SCAPER: variants seen among roughly 807,000 people sequenced by gnomAD.
The protein encoded by SCAPER is S-phase cyclin A associated protein in the ER.
Under a neutral mutation model 182.2 loss-of-function variants are expected in SCAPER, and 98 were observed. That is an observed-to-expected ratio of 0.54 (90% confidence interval 0.46 to 0.64). SCAPER has a LOEUF of 0.64. Among genes scored for constraint, SCAPER ranks in the 30% least tolerant of loss-of-function variants. The pLI, the probability that SCAPER is intolerant of heterozygous loss-of-function variation, is 0.00. For synonymous variants in SCAPER, 605 were observed against 564.6 expected, an observed-to-expected ratio of 1.07 and a Z score of -1.01; for missense variants, 1,432 against 1,690.0, an observed-to-expected ratio of 0.85 and a Z score of 2.68.
chr15:76,564,085 T>A (rs415439), intron 23 of SCAPER, among the ~76,000 whole-genome samples: 147,854 of 152,248 alleles, frequency 0.97, 71,928 homozygotes, highest in South Asian at 1. Flanking sequence ...AGCTGGAAAC[T>A]TTATCCTTGA....
intron 8 of SCAPER, among the ~76,000 whole-genome samples, chr15:76,786,539 C>T (rs1200077407): frequency 6.6e-6 from 1 of 152,090 alleles, no homozygotes; most frequent in Non-Finnish European, 1.5e-5. Flanking sequence ...TAACATAATA[C>T]TTAGTGGTGC....
rs957428667 is a variant in SCAPER at position 76,891,378 on chromosome 15, T to C, written c.-59-7502A>G. ...TCAATTAGGAAGAGAGGAAGTCAAA[T>C]TGTCCCTGCTGGCAGATAACATGAT... is the stretch of plus-strand genomic sequence containing the variant. On this transcript the variant is annotated intron_variant, in intron 1 of 31. Transcript: ENST00000563290. 1.8e-4 allele frequency among the ~76,000 whole-genome samples: 27 copies of C among 152,162 alleles called. 1 individual carries two copies. The highest frequency in any genetic ancestry group is 6.3e-4 in the African/African-American group (26 of 41,428).
At chr15:76,361,164 G>A (rs745735633) in intron 29 of SCAPER, among the ~76,000 whole-genome samples, 96 of 152,106 alleles carry the variant, frequency 6.3e-4, no homozygotes, top group Non-Finnish European at 7.9e-4. Flanking sequence ...AAAATTCCAA[G>A]GAGTGGCTAG....
At chr15:76,559,537 A>G (rs961903900) in intron 23 of SCAPER, among the ~76,000 whole-genome samples, 3 of 152,288 alleles carry the variant, frequency 2.0e-5, no homozygotes, top group Admixed American at 6.5e-5. Flanking sequence ...AAATTGCCCA[A>G]TATGTGGCAG....
chr15:76,773,774 GA>G (rs1205172859), intron 9 of SCAPER, among the ~76,000 whole-genome samples: 1 of 151,764 alleles, frequency 6.6e-6, no homozygotes, highest in Non-Finnish European at 1.5e-5. Context: ...CAGGTAAAAA[GA>G]GAAAGAATTT....
In SCAPER at chr15:76,683,075, C is replaced by T. The variant is rs201932364; in HGVS notation, c.2509-17286G>A. ...AGGCTGAAATGGCTGAAATGACAGA[C>T]ATAGAATTCAGAATATGGATAGGAA... On this transcript the variant is annotated intron_variant, in intron 20 of 31. Coordinates refer to ENST00000563290, the MANE Select transcript of SCAPER (RefSeq NM_020843.4). Among the ~76,000 whole-genome samples the T allele has an allele frequency of 3.3e-5, 5 of 152,170 alleles. No individual in the cohort carries two copies. In the East Asian group the frequency reaches 9.7e-4, roughly 29 times the overall value.
chr15:76,471,215 C>T lies in SCAPER; in HGVS notation c.3075G>A (p.Leu1025=), dbSNP rs2050139067. Residue 1025 remains leucine (L), a synonymous_variant, in exon 25 of 32, where the codon TTG becomes TTA. Coordinates refer to ENST00000563290, the MANE Select transcript of SCAPER (RefSeq NM_020843.4). Reference sequence around the variant, plus strand: ...TCAAAGCAATAATATTACATACCGTCAACTGGTGTATCAGGAGGTCCATTA... The same window carrying T: ...TCAAAGCAATAATATTACATACCGTTAACTGGTGTATCAGGAGGTCCATTA... The part of the protein sequence containing the change: ...TFLMDLLIHQ[L]TVYVPDENNT... 1.2e-6 allele frequency: 2 copies of T among 1,605,120 alleles called. No homozygotes were observed. The highest frequency in any genetic ancestry group is 1.7e-6 in the Non-Finnish European group (2 of 1,176,434).
chr15:76,803,623 A>C (rs2065937813), intron 6 of SCAPER, among the ~76,000 whole-genome samples: 1 of 152,172 alleles, frequency 6.6e-6, no homozygotes, highest in Non-Finnish European at 1.5e-5. Context: ...CAGCAGATTC[A>C]ACGTCTGATA....
intron 17 of SCAPER, among the ~76,000 whole-genome samples, chr15:76,719,178 G>A (rs1428350435): frequency 2.6e-5 from 4 of 152,096 alleles, no homozygotes; most frequent in Non-Finnish European, 2.9e-5. Context: ...CAATGATAAA[G>A]AAACTGTAGT....
intron 5 of SCAPER, among the ~76,000 whole-genome samples, chr15:76,823,944 T>C (rs891400652): frequency 6.6e-6 from 1 of 151,850 alleles, no homozygotes; most frequent in Non-Finnish European, 1.5e-5. Context: ...GGGGCAAGAA[T>C]ATAAGCCGCT....
At chr15:76,870,230 A>G (rs2072608985) in intron 2 of SCAPER, among the ~76,000 whole-genome samples, 1 of 152,176 alleles carries the variant, frequency 6.6e-6, no homozygotes, top group African/African-American at 2.4e-5. Context: ...TGCTTTTCAA[A>G]ATAGCTAGAA....
chr15:76,364,469 G>C (rs7164815), intron 29 of SCAPER, among the ~76,000 whole-genome samples: 147,785 of 152,134 alleles, frequency 0.97, 71,917 homozygotes, highest in Middle Eastern at 1. Context: ...ATAAGGTGAT[G>C]CTAAAGAAAC....
At chr15:76,799,880 G>A (rs958902701) in intron 7 of SCAPER, among the ~76,000 whole-genome samples, 2 of 152,050 alleles carry the variant, frequency 1.3e-5, no homozygotes, top group African/African-American at 2.4e-5. Context: ...GAGTCCCAGG[G>A]AACTATCTTG....
intron 22 of SCAPER, among the ~76,000 whole-genome samples, chr15:76,579,257 C>T (rs148811213): frequency 2.7e-5 from 2 of 75,398 alleles, no homozygotes; most frequent in Non-Finnish European, 4.7e-5. Context: ...CAGAGCGAGA[C>T]TCTGTCTCAA....
chr15:76,707,756 A>G (rs1352586815), intron 17 of SCAPER, among the ~76,000 whole-genome samples: 1 of 152,144 alleles, frequency 6.6e-6, no homozygotes, highest in Non-Finnish European at 1.5e-5. Context: ...CCTTTACCTA[A>G]CTGACATTTA....
At chr15:76,720,392 T>C (rs139132221) in intron 17 of SCAPER, among the ~76,000 whole-genome samples, 3,260 of 152,272 alleles carry the variant, frequency 0.021, 41 homozygotes, top group South Asian at 0.034. Context: ...TAAACATACA[T>C]GTGAATGTGT....
At chr15:76,767,455 AGT>A (rs1305590999) in intron 10 of SCAPER, among the ~76,000 whole-genome samples, 5 of 152,222 alleles carry the variant, frequency 3.3e-5, no homozygotes, top group Non-Finnish European at 4.4e-5. Flanking sequence ...AAACCGAAAT[AGT>A]ATACTATAAT....
intron 24 of SCAPER, among the ~76,000 whole-genome samples, chr15:76,472,539 T>C (rs1212398933): frequency 6.6e-6 from 1 of 152,220 alleles, no homozygotes; most frequent in Non-Finnish European, 1.5e-5. Flanking sequence ...CTAATTTTTG[T>C]ATTTTTAGTA....
At chr15:76,517,233 C>T (rs1465436039) in intron 23 of SCAPER, among the ~76,000 whole-genome samples, 1 of 151,810 alleles carries the variant, frequency 6.6e-6, no homozygotes, top group Non-Finnish European at 1.5e-5. Context: ...TATACATACA[C>T]TTTTAAAAAT....
Sources: gnomAD v4.1 joint callset for allele counts (sites outside exome capture counted in the v4.1 genomes callset) on GRCh38, gnomAD v4.1.1 for gene constraint, MANE v1.5 for transcripts, NCBI Gene and HGNC (gene_info 2026-07-23, HGNC 2026-07-21) for gene names.